PPFIA2: variants seen among roughly 807,000 people sequenced by gnomAD.
The protein encoded by PPFIA2 is liprin-alpha-2.
In PPFIA2, 46 loss-of-function variants were observed where a neutral mutation model predicts 175.5. The ratio of observed to expected loss-of-function variants is 0.26; its 90% CI spans 0.21 to 0.34. The LOEUF is 0.34. PPFIA2 is among the 10% of genes least tolerant of loss of function. The pLI, the probability that PPFIA2 is intolerant of heterozygous loss-of-function variation, is 1.00. For synonymous variants in PPFIA2, 568 were observed against 511.4 expected (o/e 1.11, Z -1.49); for missense variants, 1,179 against 1,506.1 (o/e 0.78, Z 3.60).
At chr12:81,373,652 A>C (rs1463996303) in intron 11 of PPFIA2, among the ~76,000 whole-genome samples, 2 of 151,994 alleles carry the variant, frequency 1.3e-5, no homozygotes, top group South Asian at 4.1e-4. Context: ...TACCTGGTTA[A>C]TTGTCCTATT....
intron 15 of PPFIA2, among the ~76,000 whole-genome samples, chr12:81,361,573 T>C (rs2030359282): frequency 6.6e-6 from 1 of 151,668 alleles, no homozygotes; most frequent in Admixed American, 6.6e-5. Context: ...CTTACATTTA[T>C]ATTGAAAAGA....
chr12:81,535,167 A>G (rs1594637394), intron 4 of PPFIA2, among the ~76,000 whole-genome samples: 2 of 151,878 alleles, frequency 1.3e-5, no homozygotes, highest in East Asian at 3.9e-4. Flanking sequence ...TGCCTAGTTG[A>G]GTAGACATGA....
chr12:81,656,342 T>C (rs926219235), intron 4 of PPFIA2, among the ~76,000 whole-genome samples: 4 of 152,148 alleles, frequency 2.6e-5, no homozygotes, highest in African/African-American at 9.6e-5. Flanking sequence ...ATGATGTTGG[T>C]TGTAATCAGT....
At chr12:81,742,444 A>C (rs1597112560) in intron 3 of PPFIA2, among the ~76,000 whole-genome samples, 1 of 152,216 alleles carries the variant, frequency 6.6e-6, no homozygotes, top group African/African-American at 2.4e-5. Context: ...GGAAACACTG[A>C]GAGACTGCTG....
chr12:81,311,732 C>CAAAAAAAAAAAAAAA (rs1050904857), intron 22 of PPFIA2, among the ~76,000 whole-genome samples: 1 of 48,384 alleles, frequency 2.1e-5, no homozygotes, highest in Non-Finnish European at 4.0e-5. Flanking sequence ...GACTCTGTCT[C>CAAAAAAAAAAAAAAA]AAAAAAAAAA....
At chr12:81,725,255 T>C (rs2079912026) in intron 3 of PPFIA2, among the ~76,000 whole-genome samples, 1 of 150,970 alleles carries the variant, frequency 6.6e-6, no homozygotes, top group Non-Finnish European at 1.5e-5. Context: ...GAGTAAGTTT[T>C]TTTCCCCAAA....
At chr12:81,447,012 C>A (rs74104279) in intron 5 of PPFIA2, among the ~76,000 whole-genome samples, 10,157 of 152,010 alleles carry the variant, frequency 0.067, 473 homozygotes, top group African/African-American at 0.14. Flanking sequence ...AAGGATCAAA[C>A]TAATCGCCGG....
intron 4 of PPFIA2, among the ~76,000 whole-genome samples, chr12:81,584,755 G>A (rs1343157954): frequency 4.5e-5 from 6 of 133,610 alleles, no homozygotes; most frequent in Non-Finnish European, 7.8e-5. Flanking sequence ...TAAAACATAT[G>A]GTAAATATAT....
intron 3 of PPFIA2, among the ~76,000 whole-genome samples, chr12:81,708,911 T>A (rs1242104808): frequency 6.6e-6 from 1 of 152,142 alleles, no homozygotes; most frequent in Non-Finnish European, 1.5e-5. Context: ...ATGCTAAAGG[T>A]TCTAACTGAA....
chr12:81,551,692 G>A (rs952329031), intron 4 of PPFIA2, among the ~76,000 whole-genome samples: 1 of 151,794 alleles, frequency 6.6e-6, no homozygotes, highest in African/African-American at 2.4e-5. Context: ...ACTTATTTGT[G>A]TACTATCATA....
intron 11 of PPFIA2, among the ~76,000 whole-genome samples, chr12:81,370,466 A>T (rs996416780): frequency 3.3e-5 from 5 of 151,882 alleles, no homozygotes; most frequent in Non-Finnish European, 7.4e-5. Context: ...AGAAATTTTA[A>T]ATGAAAATGA....
chr12:81,753,600 T>C (rs2084192171), intron 3 of PPFIA2, among the ~76,000 whole-genome samples: 1 of 150,232 alleles, frequency 6.7e-6, no homozygotes, highest in African/African-American at 2.4e-5. Context: ...CAACTGAAAA[T>C]GAAAAATACA....
At chr12:81,552,912 C>T (rs1012362689) in intron 4 of PPFIA2, among the ~76,000 whole-genome samples, 2 of 152,046 alleles carry the variant, frequency 1.3e-5, no homozygotes, top group African/African-American at 4.8e-5. Flanking sequence ...GTAATGTAGC[C>T]TATTAAAAAT....
intron 21 of PPFIA2, among the ~76,000 whole-genome samples, chr12:81,326,504 T>G (rs2054795754): frequency 6.6e-6 from 1 of 152,108 alleles, no homozygotes; most frequent in African/African-American, 2.4e-5. Context: ...TCATAATATT[T>G]TTTGAAAAAA....
chr12:81,368,422 G>A (rs2034161943), intron 13 of PPFIA2, among the ~76,000 whole-genome samples: 1 of 151,668 alleles, frequency 6.6e-6, no homozygotes, highest in East Asian at 1.9e-4. Flanking sequence ...TTTCTATTTT[G>A]CATACCAGGC....
chr12:81,408,991 A>G (rs1424486085), intron 7 of PPFIA2, among the ~76,000 whole-genome samples: 3 of 152,164 alleles, frequency 2.0e-5, no homozygotes, highest in Non-Finnish European at 4.4e-5. Flanking sequence ...CTCTTTTAAA[A>G]ATTCCCCTTT....
At chr12:81,659,662 C>G (rs2068452365) in intron 4 of PPFIA2, among the ~76,000 whole-genome samples, 3 of 152,142 alleles carry the variant, frequency 2.0e-5, no homozygotes, top group African/African-American at 7.2e-5. Context: ...CAGCAGAAAC[C>G]TCTGCAGACT....
chr12:81,547,752 C>G (rs1490149035), intron 4 of PPFIA2, among the ~76,000 whole-genome samples: 1 of 152,006 alleles, frequency 6.6e-6, no homozygotes, highest in Non-Finnish European at 1.5e-5. Context: ...ATATTTTAAC[C>G]AGAAAAATAG....
chr12:81,297,253 C>CA (rs1481811475), intron 23 of PPFIA2, among the ~76,000 whole-genome samples: 6 of 152,186 alleles, frequency 3.9e-5, no homozygotes, highest in Non-Finnish European at 4.4e-5. Flanking sequence ...CAGAGGCCAT[C>CA]ACAAAGCTAT....
Sources: allele counts gnomAD v4.1 joint callset (sites outside exome capture counted in the v4.1 genomes callset), GRCh38; gene constraint gnomAD v4.1.1; transcripts MANE v1.5; gene names NCBI Gene and HGNC (gene_info 2026-07-23, HGNC 2026-07-21).